The following MEI4 variants were observed in gnomAD, a reference collection of about 807,000 sequenced individuals.
MEI4 encodes meiosis-specific protein MEI4.
MEI4 carries 27 observed loss-of-function variants against 31.4 expected under a neutral mutation model. The observed-to-expected ratio is 0.86, with a 90% confidence interval of 0.63 to 1.19. The LOEUF (loss-of-function observed/expected upper bound fraction) is 1.19. MEI4 is among the 50% of genes most tolerant of loss of function. The probability of loss-of-function intolerance (pLI) is 0.00; values close to 1 mark genes in which losing one functional copy is unlikely to be tolerated. For missense variants in MEI4, 329 were observed against 398.9 expected, an observed-to-expected ratio of 0.82 and a Z score of 1.49; for synonymous variants, 122 against 145.4, an observed-to-expected ratio of 0.84 and a Z score of 1.16.
At chr6:77,721,982 C>G (rs1161317202) in intron 2 of MEI4, among the ~76,000 whole-genome samples, 1 of 129,242 alleles carries the variant, frequency 7.7e-6, no homozygotes, top group Non-Finnish European at 1.7e-5. Context: ...AAAAGTCTGA[C>G]AAATAGTTGG....
At chr6:77,671,657 G>A (rs1483398911) in intron 1 of MEI4, among the ~76,000 whole-genome samples, 1 of 151,888 alleles carries the variant, frequency 6.6e-6, no homozygotes, top group East Asian at 1.9e-4. Flanking sequence ...TTGATATCTG[G>A]TTTCTGATTG....
In MEI4 at chr6:77,822,910, T is replaced by C. The variant is rs149535418; in HGVS notation, c.769-6021T>C. Among the ~76,000 whole-genome samples the C allele has an allele frequency of 1.4e-3, 212 of 151,974 alleles. 1 individual carries two copies. Among genetic ancestry groups the C allele is most frequent in the African/African-American group, 4.5e-3 (186 of 41,480 alleles). On this transcript the variant is annotated intron_variant, in intron 3 of 4. Transcript: ENST00000684080. ...GTGCTGGGATTACAGGTGTGAGCCC[T>C]AACATAAGCAGAAGTAACTACTGAA... is the stretch of plus-strand genomic sequence containing the variant.
chr6:77,806,327 G>T (rs1769435287), intron 3 of MEI4, among the ~76,000 whole-genome samples: 1 of 152,000 alleles, frequency 6.6e-6, no homozygotes, highest in Non-Finnish European at 1.5e-5. Flanking sequence ...GTCTATAATA[G>T]CATACTTATT....
chr6:77,803,477 A>G (rs554300711), intron 3 of MEI4, among the ~76,000 whole-genome samples: 1 of 152,260 alleles, frequency 6.6e-6, no homozygotes, highest in Non-Finnish European at 1.5e-5. Context: ...CAACTCGTCA[A>G]AGTCATTCTC....
At chr6:77,746,012 A>G (rs1380152421) in intron 2 of MEI4, among the ~76,000 whole-genome samples, 1 of 152,208 alleles carries the variant, frequency 6.6e-6, no homozygotes, top group African/African-American at 2.4e-5. Context: ...CCCACAAGAG[A>G]AAGCAGGAAA....
At chr6:77,903,792 A>G (rs1248516733) in intron 4 of MEI4, among the ~76,000 whole-genome samples, 1 of 151,368 alleles carries the variant, frequency 6.6e-6, no homozygotes, top group Admixed American at 6.6e-5. Flanking sequence ...TCAGATTATC[A>G]TATGGCTTTT....
chr6:77,752,682 C>T (rs1767806980), intron 2 of MEI4, among the ~76,000 whole-genome samples: 2 of 152,076 alleles, frequency 1.3e-5, no homozygotes, highest in Admixed American at 1.3e-4. Flanking sequence ...ACCATAATGC[C>T]CAAAGTAATT....
chr6:77,900,950 G>A (rs1766176109), intron 4 of MEI4, among the ~76,000 whole-genome samples: 1 of 151,864 alleles, frequency 6.6e-6, no homozygotes, highest in African/African-American at 2.4e-5. Flanking sequence ...ATATATAAGT[G>A]AGGTCATGTG....
Position 77,783,671 on chromosome 6 carries a change from A to T in MEI4, c.768+22006A>T, listed in dbSNP as rs1374891617. On this transcript the variant is annotated intron_variant, in intron 3 of 4. Coordinates refer to ENST00000684080, the MANE Select transcript of MEI4 (RefSeq NM_001322247.2). ...TTTTATTTTATTAATTTTCATGAAT[A>T]TCTCTGTTTTTTTATGGTAAGCATT... Among the ~76,000 whole-genome samples, 5 of 152,204 alleles carry T rather than the reference A, an allele frequency of 3.3e-5. No individual in the cohort carries two copies. The East Asian group carries it at 7.7e-4, about 24-fold the overall frequency.
At chr6:77,918,707 T>C (rs1766626937) in intron 4 of MEI4, among the ~76,000 whole-genome samples, 1 of 151,974 alleles carries the variant, frequency 6.6e-6, no homozygotes, top group African/African-American at 2.4e-5. Flanking sequence ...AATCATGTCA[T>C]CTGCAAACAG....
intron 4 of MEI4, among the ~76,000 whole-genome samples, chr6:77,890,296 G>A (rs980938841): frequency 1.3e-5 from 2 of 152,218 alleles, no homozygotes; most frequent in Non-Finnish European, 2.9e-5. Flanking sequence ...GGCCATGGGA[G>A]CCCACCTCTA....
At chr6:77,910,584 G>A (rs903664322) in intron 4 of MEI4, among the ~76,000 whole-genome samples, 7 of 152,084 alleles carry the variant, frequency 4.6e-5, no homozygotes, top group Admixed American at 1.3e-4. Context: ...AACATTCCAC[G>A]CTCATGGGTA....
At chr6:77,787,891 G>T (rs1768788469) in intron 3 of MEI4, among the ~76,000 whole-genome samples, 1 of 152,146 alleles carries the variant, frequency 6.6e-6, no homozygotes, top group Non-Finnish European at 1.5e-5. Context: ...TTTTTGATGT[G>T]CTGTTGGATT....
At chr6:77,909,649 T>C (rs1219261405) in intron 4 of MEI4, among the ~76,000 whole-genome samples, 3 of 152,146 alleles carry the variant, frequency 2.0e-5, no homozygotes, top group Non-Finnish European at 4.4e-5. Flanking sequence ...ACTGGTACCA[T>C]TCTTTCTGAA....
chr6:77,799,456 T>C (rs554497620), intron 3 of MEI4, among the ~76,000 whole-genome samples: 2 of 152,296 alleles, frequency 1.3e-5, no homozygotes, highest in East Asian at 1.9e-4. Flanking sequence ...CTATTCAATC[T>C]GATGGTAGTT....
intron 3 of MEI4, among the ~76,000 whole-genome samples, chr6:77,799,090 C>T (rs1489739668): frequency 2.0e-5 from 3 of 152,158 alleles, no homozygotes; most frequent in Non-Finnish European, 2.9e-5. Context: ...AATGGTTGAA[C>T]TAGTTTACAG....
intron 2 of MEI4, among the ~76,000 whole-genome samples, chr6:77,749,843 G>GA (rs1240737650): frequency 2.6e-5 from 4 of 152,146 alleles, no homozygotes; most frequent in Admixed American, 2.6e-4. Flanking sequence ...TGAAATGAGG[G>GA]AAAAAATGTT....
chr6:77,676,631 AC>A (rs1768850933), intron 1 of MEI4, among the ~76,000 whole-genome samples: 1 of 152,154 alleles, frequency 6.6e-6, no homozygotes, highest in Non-Finnish European at 1.5e-5. Context: ...GTGGTTGGTG[AC>A]TTCAGGCAAT....
At chr6:77,742,984 C>G (rs572363157) in intron 2 of MEI4, among the ~76,000 whole-genome samples, 163 of 152,102 alleles carry the variant, frequency 1.1e-3, no homozygotes, top group African/African-American at 2.6e-3. Context: ...ATCTATATCT[C>G]TGTTTTGGTA....
Sources: gnomAD v4.1 joint callset for allele counts (sites outside exome capture counted in the v4.1 genomes callset) on GRCh38, gnomAD v4.1.1 for gene constraint, MANE v1.5 for transcripts, NCBI Gene and HGNC (gene_info 2026-07-23, HGNC 2026-07-21) for gene names.